DPYD: variants seen among roughly 807,000 people sequenced by gnomAD.
The protein encoded by DPYD is dihydropyrimidine dehydrogenase, also known as dihydropyrimidine dehydrogenase [NADP(+)].
A neutral mutation model predicts 116.2 loss-of-function variants in DPYD; 109 were observed. The observed-to-expected ratio is 0.94, with a 90% CI of 0.80 to 1.10. The LOEUF (loss-of-function observed/expected upper bound fraction) is 1.10, where lower values mean the gene tolerates loss of function less well. Among genes scored for constraint, DPYD ranks in the 50% least tolerant of loss-of-function variants. The pLI, the probability that DPYD is intolerant of heterozygous loss-of-function variation, is 0.00. For synonymous variants in DPYD, 440 were observed against 432.0 expected (o/e 1.02, Z -0.23); for missense variants, 1,302 against 1,254.5 (o/e 1.04, Z -0.57).
At chr1:97,644,115 A>G (rs77083779) in intron 8 of DPYD, among the ~76,000 whole-genome samples, 1,963 of 152,026 alleles carry the variant, frequency 0.013, 21 homozygotes, top group Middle Eastern at 0.024. Flanking sequence ...TAAAATCTGA[A>G]AAAAAAAGAA....
At chr1:97,112,462 C>T (rs893611106) in intron 20 of DPYD, among the ~76,000 whole-genome samples, 1 of 152,074 alleles carries the variant, frequency 6.6e-6, no homozygotes, top group Non-Finnish European at 1.5e-5. Context: ...AGAATGAAAG[C>T]AAGACCATTC....
intron 18 of DPYD, among the ~76,000 whole-genome samples, chr1:97,271,688 C>A (rs1232087415): frequency 6.6e-6 from 1 of 152,164 alleles, no homozygotes; most frequent in Non-Finnish European, 1.5e-5. Context: ...ATATATAGAT[C>A]ATTTTCAATT....
At chr1:97,207,327 T>C (rs1659707575) in intron 19 of DPYD, among the ~76,000 whole-genome samples, 1 of 152,166 alleles carries the variant, frequency 6.6e-6, no homozygotes. Context: ...CATTTATACA[T>C]TAATATCTTT....
At position 97,493,988 on chromosome 1, in the gene DPYD, T is replaced by A. The variant is rs530562673; in HGVS notation, c.1740+21738A>T. On this transcript the variant is annotated intron_variant, in intron 13 of 22. Coordinates refer to ENST00000370192, the MANE Select transcript of DPYD (RefSeq NM_000110.4). ...TGTAGGGACAGACAGAAGAGAGGAA[T>A]TCGAAATTATTAAAGCTCAGTTTAT... Among the ~76,000 whole-genome samples, 5 of 152,108 alleles carry A rather than the reference T, an allele frequency of 3.3e-5. No individual in the cohort carries two copies. In the South Asian group the frequency reaches 6.2e-4, roughly 19 times the overall value.
intron 8 of DPYD, among the ~76,000 whole-genome samples, chr1:97,617,241 C>T (rs1328546162): frequency 1.3e-5 from 2 of 152,124 alleles, no homozygotes; most frequent in East Asian, 3.9e-4. Flanking sequence ...AACCTCCAAA[C>T]GTTCTTTATC....
chr1:97,555,994 T>A (rs1007218864), intron 11 of DPYD, among the ~76,000 whole-genome samples: 1 of 152,174 alleles, frequency 6.6e-6, no homozygotes, highest in Non-Finnish European at 1.5e-5. Context: ...TTCACTGATA[T>A]GATTAATTGG....
intron 19 of DPYD, among the ~76,000 whole-genome samples, chr1:97,224,999 G>GTCTA (rs1553236797): frequency 4.5e-4 from 64 of 142,358 alleles, no homozygotes; most frequent in East Asian, 1.4e-3. Context: ...CTATCTGTCT[G>GTCTA]TCTGTCTATC....
At chr1:97,594,470 T>A (rs1290738295) in intron 9 of DPYD, among the ~76,000 whole-genome samples, 1 of 152,202 alleles carries the variant, frequency 6.6e-6, no homozygotes, top group African/African-American at 2.4e-5. Context: ...AATGTAGGAA[T>A]AGCTGTGGCT....
chr1:97,328,836 T>C (rs564619066), intron 16 of DPYD, among the ~76,000 whole-genome samples: 2 of 152,292 alleles, frequency 1.3e-5, no homozygotes, highest in East Asian at 3.9e-4. Flanking sequence ...TAAATGTACT[T>C]AAAGTATGCT....
intron 12 of DPYD, among the ~76,000 whole-genome samples, chr1:97,544,471 T>TATCA (rs1414084082): frequency 5.9e-5 from 9 of 152,318 alleles, no homozygotes; most frequent in Admixed American, 5.9e-4. Context: ...TTTCAAACAC[T>TATCA]ATCATTCCTA....
At chr1:97,262,428 A>G (rs964395697) in intron 18 of DPYD, among the ~76,000 whole-genome samples, 1 of 152,066 alleles carries the variant, frequency 6.6e-6, no homozygotes, top group Non-Finnish European at 1.5e-5. Context: ...TACCAACATC[A>G]TCACCTTTAT....
At chr1:97,313,255 T>A (rs1417058909) in intron 16 of DPYD, among the ~76,000 whole-genome samples, 1 of 151,908 alleles carries the variant, frequency 6.6e-6, no homozygotes, top group East Asian at 1.9e-4. Flanking sequence ...CTTTCTTATT[T>A]CTATGTACTT....
intron 19 of DPYD, among the ~76,000 whole-genome samples, chr1:97,206,834 T>C (rs1463998500): frequency 1.3e-5 from 2 of 151,090 alleles, no homozygotes; most frequent in Non-Finnish European, 3.0e-5. Context: ...CAATATTGTA[T>C]GTATGATATA....
intron 19 of DPYD, among the ~76,000 whole-genome samples, chr1:97,205,112 G>GCAT (rs1659500071): frequency 1.3e-5 from 2 of 151,988 alleles, no homozygotes; most frequent in African/African-American, 2.4e-5. Flanking sequence ...TTAATATCTT[G>GCAT]CATTAGATGG....
intron 2 of DPYD, among the ~76,000 whole-genome samples, chr1:97,842,688 T>A (rs1040212901): frequency 6.6e-6 from 1 of 152,044 alleles, no homozygotes; most frequent in Non-Finnish European, 1.5e-5. Context: ...CAGCCCTCTA[T>A]TCACTGACAC....
intron 18 of DPYD, among the ~76,000 whole-genome samples, chr1:97,273,281 G>C (rs1010771730): frequency 1.3e-5 from 2 of 152,026 alleles, no homozygotes; most frequent in African/African-American, 4.8e-5. Context: ...TTTGCCATGG[G>C]CCCAACAAGG....
chr1:97,499,412 C>T (rs1219344543), intron 13 of DPYD, among the ~76,000 whole-genome samples: 2 of 151,678 alleles, frequency 1.3e-5, no homozygotes, highest in Non-Finnish European at 3.0e-5. Context: ...TGAAAAACAC[C>T]TTTTGTGTTA....
chr1:97,313,203 T>A (rs537252938), intron 16 of DPYD, among the ~76,000 whole-genome samples: 9 of 152,024 alleles, frequency 5.9e-5, no homozygotes, highest in Admixed American at 2.0e-4. Context: ...TTCAACAGTA[T>A]TGTTGAATTG....
At chr1:97,484,455 C>T (rs1036800067) in intron 13 of DPYD, among the ~76,000 whole-genome samples, 55 of 152,180 alleles carry the variant, frequency 3.6e-4, no homozygotes, top group Admixed American at 2.6e-4. Context: ...CTTCCTAAAT[C>T]CATGTTTAGA....
Sources: gnomAD v4.1 joint callset for allele counts (sites outside exome capture counted in the v4.1 genomes callset) on GRCh38, gnomAD v4.1.1 for gene constraint, MANE v1.5 for transcripts, NCBI Gene and HGNC (gene_info 2026-07-23, HGNC 2026-07-21) for gene names.